CSMD2: variants seen among roughly 807,000 people sequenced by gnomAD.
CSMD2 encodes the protein CUB and sushi domain-containing protein 2.
CSMD2 carries 130 observed loss-of-function variants against 398.5 expected under a neutral mutation model. The observed-to-expected ratio is 0.33, with a 90% CI of 0.28 to 0.38. The LOEUF (loss-of-function observed/expected upper bound fraction) is 0.38, where lower values mean the gene tolerates loss of function less well. CSMD2 is among the 10% of genes least tolerant of loss of function. The pLI is 1.00. For synonymous variants in CSMD2, 1,828 were observed against 1,908.5 expected (o/e 0.96, Z 1.10); for missense variants, 3,829 against 4,764.9 (o/e 0.80, Z 5.78).
At chr1:33,791,058 G>A (rs1654247184) in intron 11 of CSMD2, among the ~76,000 whole-genome samples, 1 of 151,100 alleles carries the variant, frequency 6.6e-6, no homozygotes, top group Non-Finnish European at 1.5e-5. Context: ...TCTCCAGGTA[G>A]GTGTAGGGAA....
Position 33,521,522 on chromosome 1 carries a change from A to C in CSMD2, c.10538T>G (p.Phe3513Cys), listed in dbSNP as rs1408090837. The C allele has an allele frequency of 6.2e-7, 1 of 1,612,848 alleles. No homozygotes were observed. The highest frequency in any genetic ancestry group is 1.3e-5 in the African/African-American group (1 of 74,874). ...HVSSESSGAT[F>C]IYQGSVKGQG... ...GCCCTTGACAGAGCCTTGGTAGATG[A>C]AGGTGGCTCCGGAGGACTCTGACGA... is the stretch of plus-strand genomic sequence containing the variant. Residue 3513 changes from phenylalanine (F) to cysteine (C), a missense_variant, in exon 68 of 71, where the codon TTC (phenylalanine) becomes TGC (cysteine). Phe to Cys is a radical substitution (Grantham distance 205, BLOSUM62 -2). This residue lies in a region of CSMD2 where 917 missense variants were observed against 1,199.5 expected (regional missense o/e 0.76). Transcript: ENST00000373381.
At chr1:34,028,344 GTATATTTGGGGTATAC>G (rs1239267981) in intron 3 of CSMD2, among the ~76,000 whole-genome samples, 25 of 152,058 alleles carry the variant, frequency 1.6e-4, no homozygotes, top group African/African-American at 5.8e-4. Flanking sequence ...AATAAAATAA[GTATATTTGGGGTATAC>G]TTACACTAAA....
intron 5 of CSMD2, among the ~76,000 whole-genome samples, chr1:33,901,833 A>C (rs948506304): frequency 4.6e-5 from 7 of 152,238 alleles, no homozygotes; most frequent in Admixed American, 4.6e-4. Flanking sequence ...ACTCACGCAT[A>C]AGCCATAACC....
At chr1:33,669,208 T>C (rs977051333) in intron 25 of CSMD2, among the ~76,000 whole-genome samples, 6 of 152,208 alleles carry the variant, frequency 3.9e-5, no homozygotes, top group African/African-American at 1.4e-4. Flanking sequence ...CATCTTCTTT[T>C]TCTTTTAATT....
intron 6 of CSMD2, among the ~76,000 whole-genome samples, chr1:33,836,585 G>T (rs6685744): frequency 8.5e-5 from 13 of 152,056 alleles, no homozygotes; most frequent in Admixed American, 7.2e-4. Context: ...CCCTAGCCTC[G>T]CTGCCACCTT....
At chr1:33,799,780 A>G (rs1176493000) in intron 10 of CSMD2, among the ~76,000 whole-genome samples, 1 of 152,182 alleles carries the variant, frequency 6.6e-6, no homozygotes, top group African/African-American at 2.4e-5. Context: ...GGAGCATGAG[A>G]CCCGGAGGGA....
intron 41 of CSMD2, chr1:33,606,040 G>A (rs371340965): frequency 6.4e-7 from 1 of 1,572,978 alleles, no homozygotes; most frequent in Non-Finnish European, 8.6e-7. Context: ...TAAGGGACGT[G>A]TGGCTGTCAC....
At chr1:34,134,842 A>T (rs1182958407) in intron 1 of CSMD2, among the ~76,000 whole-genome samples, 1 of 152,240 alleles carries the variant, frequency 6.6e-6, no homozygotes, top group Non-Finnish European at 1.5e-5. Context: ...TTTCAGTTAT[A>T]ATTAAAGGAA....
intron 10 of CSMD2, among the ~76,000 whole-genome samples, chr1:33,801,050 T>G (rs150612456): frequency 6.6e-6 from 1 of 152,314 alleles, no homozygotes; most frequent in East Asian, 1.9e-4. Flanking sequence ...GAATTAATTC[T>G]CAGTTCTTCA....
In CSMD2 at chr1:33,514,284, T is replaced by C. The variant is rs1436194479; in HGVS notation, c.*2340A>G. ...TAATGAAAAAAAAATTTACACCTTT[T>C]TTTTTTTCTTTTTTGGTACTGTACA... On this transcript the variant is annotated 3_prime_UTR_variant, in exon 71 of 71. Transcript: ENST00000373381. 3.3e-5 allele frequency: 5 copies of C among 152,224 alleles called. No individual in the cohort carries two copies. Among genetic ancestry groups the C allele is most frequent in the Non-Finnish European group, 7.4e-5 (5 of 67,918 alleles). The allele number at this position is 152,224 out of a possible 1,614,324, so 9.4% of individuals were successfully genotyped here.
chr1:33,578,778 G>A (rs1216826330), intron 48 of CSMD2, among the ~76,000 whole-genome samples: 1 of 152,198 alleles, frequency 6.6e-6, no homozygotes, highest in African/African-American at 2.4e-5. Flanking sequence ...AAGGCAGGAT[G>A]CGCGTGTGGG....
rs1221559475 is a variant in CSMD2, at chr1:33,635,772, A to G, written c.4970-442T>C. ...TAACCCCATGGGGAGTGGCCAGCCC[A>G]TGTGACCCAGCCACCTTCTGTTCCT... is the stretch of plus-strand genomic sequence containing the variant. On this transcript the variant is annotated intron_variant, in intron 30 of 70. Transcript: ENST00000373381. The surrounding 1 kb of genome is among the most constrained non-coding windows in gnomAD (Gnocchi z 5.0). Among the ~76,000 whole-genome samples, 1 of 152,094 alleles carries G rather than the reference A, an allele frequency of 6.6e-6. No individual in the cohort carries two copies. The highest frequency in any genetic ancestry group is 1.9e-4 in the East Asian group (1 of 5,192).
chr1:33,622,193 G>A lies in CSMD2; in HGVS notation c.5801C>T (p.Ala1934Val). ...TTTGTACTCCAAGTGGAAGCCAGCT[G>A]CAGATACGCTGATATCTGAGTAGAA... ...LHFYSDISVS[A>V]AGFHLEYKTV... Residue 1934 changes from alanine to valine, a missense_variant, in exon 37 of 71, where the codon GCA (alanine) becomes GTA (valine). This residue lies in a region of CSMD2 where 2,001 missense variants were observed against 2,567.1 expected (regional missense o/e 0.78). Coordinates refer to ENST00000373381, the MANE Select transcript of CSMD2 (RefSeq NM_001281956.2). 6.2e-7 allele frequency: 1 copy of A among 1,613,574 alleles called. No individual in the cohort carries two copies. The highest frequency in any genetic ancestry group is 8.5e-7 in the Non-Finnish European group (1 of 1,179,484).
At chr1:33,986,242 C>G (rs941368907) in intron 3 of CSMD2, among the ~76,000 whole-genome samples, 3 of 152,208 alleles carry the variant, frequency 2.0e-5, no homozygotes, top group Non-Finnish European at 2.9e-5. Flanking sequence ...CAGGCCCTTG[C>G]AGCAACACCC....
At chr1:34,038,058 G>T (rs1207773542) in intron 2 of CSMD2, among the ~76,000 whole-genome samples, 3 of 152,162 alleles carry the variant, frequency 2.0e-5, no homozygotes, top group Non-Finnish European at 4.4e-5. Flanking sequence ...TAAGGCTGGG[G>T]GAGGGGATGG....
At chr1:33,890,599 G>C (rs1334827348) in intron 5 of CSMD2, among the ~76,000 whole-genome samples, 1 of 151,730 alleles carries the variant, frequency 6.6e-6, no homozygotes, top group African/African-American at 2.4e-5. Context: ...TCAATCCTAA[G>C]CCAAAAGAAC....
chr1:33,577,254 G>A, intron 49 of CSMD2, 42 bp downstream of exon 49: 2 of 1,541,980 alleles, frequency 1.3e-6, no homozygotes, highest in Non-Finnish European at 1.8e-6. Context: ...ATATGAGTTG[G>A]ATCCGAGCTA....
chr1:33,579,859 A>G (rs879735959), intron 48 of CSMD2, among the ~76,000 whole-genome samples: 6 of 151,990 alleles, frequency 3.9e-5, no homozygotes, highest in African/African-American at 1.5e-4. Context: ...TTGTATTTTT[A>G]GTAGAGATGG....
chr1:33,571,526 G>A lies in CSMD2; in HGVS notation c.7957+6C>T, dbSNP rs1323439187. On this transcript the variant is annotated splice_donor_region_variant and intron_variant, in intron 51 of 70. Coordinates refer to ENST00000373381, the MANE Select transcript of CSMD2 (RefSeq NM_001281956.2). ...AAACTTGCCCACCCTCCCTTCCTGG[G>A]CTTACTTCGGCAGGTGGGCGTAGAG... is the stretch of plus-strand genomic sequence containing the variant. The A allele has an allele frequency of 2.1e-6, 3 of 1,445,194 alleles. No homozygotes were observed. The African/African-American group carries it at 4.2e-5, about 20-fold the overall frequency. The allele number at this position is 1,445,194 out of a possible 1,614,324, so 89.5% of individuals were successfully genotyped here.
Sources: gnomAD v4.1 joint callset for allele counts (sites outside exome capture counted in the v4.1 genomes callset) on GRCh38, gnomAD v4.1.1 for gene constraint, gnomAD v4.1.1 regional missense constraint, Gnocchi (gnomAD v3.1) non-coding constraint, MANE v1.5 for transcripts, NCBI Gene and HGNC (gene_info 2026-07-23, HGNC 2026-07-21) for gene names.